Variants in SLC41A2 observed in about 807,000 individuals in gnomAD.
SLC41A2 encodes the protein SLC41A1-like 1.
SLC41A2 carries 32 observed loss-of-function variants against 58.3 expected under a neutral mutation model. The ratio of observed to expected loss-of-function variants is 0.55; its 90% confidence interval spans 0.41 to 0.74. The LOEUF is 0.74. Among genes scored for constraint, SLC41A2 ranks in the 30% least tolerant of loss-of-function variants. The probability of loss-of-function intolerance (pLI) is 0.00; values close to 1 mark genes in which losing one functional copy is unlikely to be tolerated. For synonymous variants in SLC41A2, 190 were observed against 235.0 expected, an observed-to-expected ratio of 0.81 and a Z score of 1.75; for missense variants, 514 against 680.6, an observed-to-expected ratio of 0.76 and a Z score of 2.72.
chr12:104,814,732 T>C (rs1222125668), intron 10 of SLC41A2, among the ~76,000 whole-genome samples: 1 of 152,234 alleles, frequency 6.6e-6, no homozygotes, highest in African/African-American at 2.4e-5. Flanking sequence ...GCTTGGTTTA[T>C]AGTAAGTACT....
In SLC41A2 at chr12:104,928,548, T is replaced by C. The variant is rs1007307262; in HGVS notation, c.-21A>G. 3 of 1,440,640 alleles carry C rather than the reference T, an allele frequency of 2.1e-6. No homozygotes were observed. The highest frequency in any genetic ancestry group is 2.9e-5 in the African/African-American group (2 of 69,810). 89.2% of individuals were successfully genotyped at this position (1,440,640 alleles called of 1,614,324 possible). On this transcript the variant is annotated 5_prime_UTR_variant, in exon 2 of 11. Transcript: ENST00000258538. ...GTCATATTGTCATCACAAAAGACCC[T>C]GTACTCCTTAGATCTCAAGCTTCGG...
At chr12:104,843,697 C>G (rs1191312223) in intron 10 of SLC41A2, among the ~76,000 whole-genome samples, 1 of 151,938 alleles carries the variant, frequency 6.6e-6, no homozygotes, top group South Asian at 2.1e-4. Flanking sequence ...TAGAAGAAAA[C>G]AGATATTTTA....
chr12:104,945,559 T>C (rs919050176), intron 1 of SLC41A2, among the ~76,000 whole-genome samples: 3 of 151,216 alleles, frequency 2.0e-5, no homozygotes, highest in South Asian at 2.1e-4. Context: ...AAACTGTTTA[T>C]CCTGAAAATC....
chr12:104,855,943 A>C (rs1328800396), intron 8 of SLC41A2, among the ~76,000 whole-genome samples: 1 of 152,040 alleles, frequency 6.6e-6, no homozygotes, highest in East Asian at 1.9e-4. Context: ...TAAAGTATGG[A>C]TCTAGAAAGG....
At chr12:104,823,469 G>T (rs773305713) in intron 10 of SLC41A2, among the ~76,000 whole-genome samples, 9 of 151,578 alleles carry the variant, frequency 5.9e-5, no homozygotes, top group Non-Finnish European at 1.2e-4. Context: ...AAATAGACCT[G>T]CATATATATA....
At chr12:104,915,522 T>C (rs931860510) in intron 2 of SLC41A2, among the ~76,000 whole-genome samples, 20 of 152,222 alleles carry the variant, frequency 1.3e-4, no homozygotes, top group African/African-American at 4.8e-4. Flanking sequence ...TTTTATTCTC[T>C]TTGAAGCAAT....
At chr12:104,951,296 A>G (rs2047943074) in intron 1 of SLC41A2, among the ~76,000 whole-genome samples, 1 of 152,188 alleles carries the variant, frequency 6.6e-6, no homozygotes, top group Admixed American at 6.5e-5. Flanking sequence ...TGTACTACTT[A>G]AATTAAGACT....
chr12:104,868,180 G>C (rs1012740924), intron 6 of SLC41A2, among the ~76,000 whole-genome samples: 12 of 152,062 alleles, frequency 7.9e-5, no homozygotes, highest in African/African-American at 2.9e-4. Context: ...CTCCTTGTAA[G>C]CCAACAGATA....
chr12:104,842,309 CA>C (rs2042441445), intron 10 of SLC41A2, among the ~76,000 whole-genome samples: 1 of 151,926 alleles, frequency 6.6e-6, no homozygotes, highest in Admixed American at 6.6e-5. Flanking sequence ...TAAGCTATTC[CA>C]TTAGAATAAT....
chr12:104,954,857 A>T (rs1270287581), intron 1 of SLC41A2, among the ~76,000 whole-genome samples: 1 of 152,076 alleles, frequency 6.6e-6, no homozygotes, highest in African/African-American at 2.4e-5. Flanking sequence ...GAAATTGGGA[A>T]GTGTACTTTC....
intron 10 of SLC41A2, chr12:104,834,144 T>G: frequency 1.0e-6 from 1 of 985,222 alleles, no homozygotes; most frequent in South Asian, 4.7e-5. Flanking sequence ...TCATTTCATC[T>G]TCTGTGCATC....
chr12:104,907,809 C>A (rs938446407), intron 3 of SLC41A2, among the ~76,000 whole-genome samples: 5 of 152,150 alleles, frequency 3.3e-5, no homozygotes, highest in South Asian at 2.1e-4. Context: ...TATAAGATAT[C>A]ACTGGAAAGC....
intron 10 of SLC41A2, among the ~76,000 whole-genome samples, chr12:104,827,020 G>A (rs150714667): frequency 6.6e-6 from 1 of 152,318 alleles, no homozygotes; most frequent in East Asian, 1.9e-4. Flanking sequence ...ATCCTTAGGT[G>A]TGCATAATAG....
intron 6 of SLC41A2, among the ~76,000 whole-genome samples, chr12:104,866,844 A>G (rs2043491524): frequency 6.6e-6 from 1 of 151,964 alleles, no homozygotes; most frequent in Non-Finnish European, 1.5e-5. Flanking sequence ...AATAACAATA[A>G]CAACAAGAAC....
In SLC41A2 at chr12:104,942,403, G is replaced by A. The variant is rs544709437; in HGVS notation, c.-167-13709C>T. Among the ~76,000 whole-genome samples, 5 of 150,974 alleles carry A rather than the reference G, an allele frequency of 3.3e-5. No individual in the cohort carries two copies. In the East Asian group the frequency reaches 9.8e-4, roughly 29 times the overall value. On this transcript the variant is annotated intron_variant, in intron 1 of 10. Coordinates refer to ENST00000258538, the MANE Select transcript of SLC41A2 (RefSeq NM_001352171.3). ...TGAGGTGGGAGGATCACCTGAGCCT[G>A]AGAAGTCGAAGCTGTAGTAAGCCAT...
At chr12:104,945,944 C>T (rs1283836731) in intron 1 of SLC41A2, among the ~76,000 whole-genome samples, 3 of 152,262 alleles carry the variant, frequency 2.0e-5, no homozygotes, top group African/African-American at 7.2e-5. Flanking sequence ...CCCCTTCAAT[C>T]CATCACATAT....
rs192877392 is a variant in SLC41A2, at chr12:104,941,977, C to T, written c.-167-13283G>A. 9.3e-4 allele frequency among the ~76,000 whole-genome samples: 141 copies of T among 152,126 alleles called. 1 individual carries two copies. Among genetic ancestry groups the T allele is most frequent in the Admixed American group, 1.6e-3 (24 of 15,286 alleles). The stretch of plus-strand genomic sequence containing the variant: ...CAGTTTTTATTCATTCAAACAATTA[C>T]CAAAAGTATTAGTGTTGCTGTTTGA... On this transcript the variant is annotated intron_variant, in intron 1 of 10. Coordinates refer to ENST00000258538, the MANE Select transcript of SLC41A2 (RefSeq NM_001352171.3).
intron 6 of SLC41A2, among the ~76,000 whole-genome samples, chr12:104,877,775 G>A (rs2044124416): frequency 6.6e-6 from 1 of 152,124 alleles, no homozygotes. Context: ...GAGGCAGGCA[G>A]ATTCCCTGAG....
chr12:104,931,052 G>A (rs2047032063), intron 1 of SLC41A2, among the ~76,000 whole-genome samples: 1 of 152,186 alleles, frequency 6.6e-6, no homozygotes, highest in Non-Finnish European at 1.5e-5. Context: ...TAAAAACAGA[G>A]TGCCTCCTGG....
Sources: gnomAD v4.1 joint callset for allele counts (sites outside exome capture counted in the v4.1 genomes callset) on GRCh38, gnomAD v4.1.1 for gene constraint, MANE v1.5 for transcripts, NCBI Gene and HGNC (gene_info 2026-07-23, HGNC 2026-07-21) for gene names.